C1QTNF3: variants seen among roughly 807,000 people sequenced by gnomAD.
C1QTNF3 encodes the protein complement C1q tumor necrosis factor-related protein 3.
C1QTNF3 carries 26 observed loss-of-function variants against 32.6 expected under a neutral mutation model. That is an observed-to-expected ratio of 0.80 (90% confidence interval 0.58 to 1.11). The LOEUF is 1.11. Ranked by LOEUF, C1QTNF3 falls within the 50% of genes least tolerant of loss-of-function variation. C1QTNF3 has a pLI of 0.00. For synonymous variants in C1QTNF3, 155 were observed against 146.0 expected (o/e 1.06, Z -0.44); for missense variants, 362 against 398.2 (o/e 0.91, Z 0.77).
chr5:34,131,628 G>T, the C1QTNF3 span, among the ~76,000 whole-genome samples: 1 of 152,170 alleles, frequency 6.6e-6, no homozygotes, highest in Non-Finnish European at 1.5e-5. Flanking sequence ...GACAGGGAAG[G>T]GTGGGATGAG....
chr5:34,024,384 T>A (rs1353261315), intron 4 of C1QTNF3: 1 of 186,062 alleles, frequency 5.4e-6, no homozygotes, highest in Non-Finnish European at 1.1e-5. Flanking sequence ...CAGAGATGTT[T>A]GTGGTTGAAC....
the C1QTNF3 span, among the ~76,000 whole-genome samples, chr5:34,171,232 T>C: frequency 6.6e-6 from 1 of 152,100 alleles, no homozygotes; most frequent in Non-Finnish European, 1.5e-5. Context: ...GATATTTTCA[T>C]TAAGCATATA....
the C1QTNF3 span, among the ~76,000 whole-genome samples, chr5:34,242,628 A>G: frequency 2.0e-5 from 3 of 151,912 alleles, no homozygotes; most frequent in Non-Finnish European, 2.9e-5. Context: ...AAGTTTCTAA[A>G]AACAATTGCA....
At chr5:34,054,489 C>T in the C1QTNF3 span, among the ~76,000 whole-genome samples, 1 of 152,150 alleles carries the variant, frequency 6.6e-6, no homozygotes, top group African/African-American at 2.4e-5. Flanking sequence ...TTGCAAGCTG[C>T]CATGAACAGT....
chr5:34,124,484 A>T, the C1QTNF3 span: 1 of 715,852 alleles, frequency 1.4e-6, no homozygotes, highest in South Asian at 1.5e-5. Context: ...CAGGCCCGTC[A>T]CGATGAGACC....
chr5:34,166,699 T>A, the C1QTNF3 span: 1 of 152,192 alleles, frequency 6.6e-6, no homozygotes, highest in East Asian at 1.9e-4. Flanking sequence ...TTCCATCTAC[T>A]ATGATTTTTC....
chr5:34,202,688 A>T, the C1QTNF3 span, among the ~76,000 whole-genome samples: 5 of 152,156 alleles, frequency 3.3e-5, no homozygotes, highest in African/African-American at 1.2e-4. Context: ...ACTTTTATAC[A>T]TATGTACATT....
chr5:34,177,854 C>A, the C1QTNF3 span, among the ~76,000 whole-genome samples: 2 of 151,778 alleles, frequency 1.3e-5, no homozygotes, highest in South Asian at 2.1e-4. Flanking sequence ...AACTCCTGGG[C>A]TCAAGAGATC....
At chr5:34,127,796 G>C in the C1QTNF3 span, among the ~76,000 whole-genome samples, 2 of 151,568 alleles carry the variant, frequency 1.3e-5, no homozygotes, top group Non-Finnish European at 2.9e-5. Context: ...TTCACAAAGA[G>C]ATGGTTTGAA....
the C1QTNF3 span, among the ~76,000 whole-genome samples, chr5:34,176,124 T>C: frequency 2.0e-5 from 3 of 152,062 alleles, no homozygotes; most frequent in African/African-American, 7.2e-5. Flanking sequence ...AAATTGGAAA[T>C]CATCATTCTC....
the C1QTNF3 span, among the ~76,000 whole-genome samples, chr5:34,184,785 A>C: frequency 6.6e-6 from 1 of 151,934 alleles, no homozygotes; most frequent in Non-Finnish European, 1.5e-5. Context: ...TTTAATAACA[A>C]AAAAAAGGAC....
At chr5:34,231,885 T>G in the C1QTNF3 span, among the ~76,000 whole-genome samples, 1 of 142,256 alleles carries the variant, frequency 7.0e-6, no homozygotes, top group South Asian at 2.4e-4. Context: ...GAGAAGAGGG[T>G]CATAGTGCTT....
chr5:34,161,385 T>G, the C1QTNF3 span, among the ~76,000 whole-genome samples: 1 of 152,132 alleles, frequency 6.6e-6, no homozygotes, highest in Non-Finnish European at 1.5e-5. Flanking sequence ...AATATTTCAG[T>G]GTTCAAATGC....
the C1QTNF3 span, among the ~76,000 whole-genome samples, chr5:34,173,676 T>A: frequency 9.4e-6 from 1 of 106,892 alleles, no homozygotes; most frequent in Non-Finnish European, 1.9e-5. Flanking sequence ...TGTATGGATA[T>A]GTAAAATGAG....
chr5:34,240,064 G>C, the C1QTNF3 span, among the ~76,000 whole-genome samples: 1 of 151,804 alleles, frequency 6.6e-6, no homozygotes, highest in Non-Finnish European at 1.5e-5. Flanking sequence ...AATTAAGGGA[G>C]AAATTTTAAG....
chr5:34,156,614 GCA>G, the C1QTNF3 span, among the ~76,000 whole-genome samples: 3 of 151,944 alleles, frequency 2.0e-5, no homozygotes, highest in African/African-American at 7.3e-5. Context: ...TACTTTATTT[GCA>G]CAGTTAGAAT....
chr5:34,038,765 C>T (rs1754801606), intron 1 of C1QTNF3, among the ~76,000 whole-genome samples: 2 of 152,100 alleles, frequency 1.3e-5, no homozygotes, highest in African/African-American at 4.8e-5. Flanking sequence ...TTAAGACAAC[C>T]TCTGTTCACA....
At chr5:34,218,032 A>G in the C1QTNF3 span, among the ~76,000 whole-genome samples, 4 of 150,294 alleles carry the variant, frequency 2.7e-5, no homozygotes, top group Non-Finnish European at 5.9e-5. Context: ...ATGATAGCCT[A>G]TGACCTCAAC....
At chr5:34,041,680 C>T (rs957076201) in intron 1 of C1QTNF3, among the ~76,000 whole-genome samples, 3 of 152,018 alleles carry the variant, frequency 2.0e-5, no homozygotes, top group Non-Finnish European at 2.9e-5. Context: ...ATCATTTCTT[C>T]CGTGGCTCCT....
Sources: gnomAD v4.1 joint callset for allele counts (sites outside exome capture counted in the v4.1 genomes callset) on GRCh38, gnomAD v4.1.1 for gene constraint, MANE v1.5 for transcripts, NCBI Gene and HGNC (gene_info 2026-07-23, HGNC 2026-07-21) for gene names.